TBC1D21: variants seen among roughly 807,000 people sequenced by gnomAD.
The protein encoded by TBC1D21 is male germ cell Rab GTPase-activating protein.
In TBC1D21, 38 loss-of-function variants were observed where a neutral mutation model predicts 46.0. The ratio of observed to expected loss-of-function variants is 0.83; its 90% CI spans 0.64 to 1.08. The LOEUF is 1.08. Among genes scored for constraint, TBC1D21 ranks in the 50% least tolerant of loss-of-function variants. The probability of loss-of-function intolerance (pLI) is 0.00; values close to 1 mark genes in which losing one functional copy is unlikely to be tolerated. For synonymous variants in TBC1D21, 151 were observed against 157.2 expected (o/e 0.96, Z 0.29); for missense variants, 415 against 417.9 (o/e 0.99, Z 0.06).
At chr15:73,890,668 A>C (rs1036337934), downstream of TBC1D21, among the ~76,000 whole-genome samples, 9 of 152,182 alleles carry the variant, frequency 5.9e-5, no homozygotes, top group Non-Finnish European at 1.3e-4. Flanking sequence ...TGGTGACTTC[A>C]GATGGCCGAT....
the TBC1D21 span, among the ~76,000 whole-genome samples, chr15:73,909,182 G>C: frequency 6.6e-6 from 1 of 152,178 alleles, no homozygotes; most frequent in Non-Finnish European, 1.5e-5. Flanking sequence ...GACCAGCGTG[G>C]ACAACATGGT....
chr15:73,879,672 C>T (rs4445847), intron 1 of TBC1D21, among the ~76,000 whole-genome samples: 73,164 of 151,986 alleles, frequency 0.48, 18,246 homozygotes, highest in Middle Eastern at 0.63. Flanking sequence ...GTGATTTGTA[C>T]GCCAATTTAA....
intron 1 of TBC1D21, among the ~76,000 whole-genome samples, chr15:73,874,726 AC>A (rs5813726): frequency 0.94 from 142,626 of 152,266 alleles, 67,522 homozygotes; most frequent in East Asian, 1. Context: ...GATCTTCTGA[AC>A]CAATAAACTG....
In TBC1D21 at chr15:73,876,593, G is replaced by A. The variant is rs78119320; in HGVS notation, c.60+2824G>A. On this transcript the variant is annotated intron_variant, in intron 1 of 10. Transcript: ENST00000300504. ...TTCAACCACGGCAAAGTAGGCAGAT[G>A]GCCAATTGTTACAGGTAGAGGTTTA... is the stretch of plus-strand genomic sequence containing the variant. 1.1e-4 allele frequency among the ~76,000 whole-genome samples: 16 copies of A among 152,106 alleles called. No homozygotes were observed. The East Asian group carries it at 3.1e-3, about 29-fold the overall frequency.
chr15:73,885,358 C>T (rs994563575), intron 6 of TBC1D21, among the ~76,000 whole-genome samples: 1 of 152,184 alleles, frequency 6.6e-6, no homozygotes, highest in Non-Finnish European at 1.5e-5. Flanking sequence ...GCATGGCTGG[C>T]CAGGCCCAGG....
chr15:73,907,398 G>C, the TBC1D21 span, among the ~76,000 whole-genome samples: 2 of 152,216 alleles, frequency 1.3e-5, no homozygotes, highest in Non-Finnish European at 2.9e-5. Context: ...GGCAGCTTTA[G>C]AAAGTGTGAA....
chr15:73,877,514 TAAAAAAAAAAAAAAAAAAAAA>T (rs541803630), intron 1 of TBC1D21, among the ~76,000 whole-genome samples: 4 of 72,696 alleles, frequency 5.5e-5, no homozygotes, highest in African/African-American at 1.9e-4. Flanking sequence ...TCCAGAAAAC[TAAAAAAAAAAAAAAAAAAAAA>T]AAAAAAAAAA....
chr15:73,884,800 C>A lies in TBC1D21; in HGVS notation c.387C>A (p.Ile129=), dbSNP rs369068081. ...ACCTAGCACGTGACATTCAGAAAAT[C>A]TATGACAAAGATCCCCTGGGCAACG... ...RNNIARDIQK[I]YDKDPLGNVL... is the part of the protein sequence containing the mutation. The change falls in exon 5 of 11, where the codon ATC becomes ATA. Residue 129 remains isoleucine, a synonymous_variant. Transcript: ENST00000300504. The A allele has an allele frequency of 9.3e-6, 15 of 1,614,070 alleles. No individual in the cohort carries two copies. In the African/African-American group the frequency reaches 1.1e-4, roughly 11 times the overall value.
chr15:73,889,011 C>T, intron 10 of TBC1D21, 58 bp from the exon 11 acceptor site: 1 of 1,601,620 alleles, frequency 6.2e-7, no homozygotes, highest in Non-Finnish European at 8.5e-7. Context: ...CTTAGAAGAA[C>T]CGAAGAATGA....
intron 1 of TBC1D21, among the ~76,000 whole-genome samples, chr15:73,876,228 T>G (rs1438460613): frequency 0.081 from 8,485 of 105,142 alleles, 1,418 homozygotes; most frequent in African/African-American, 0.26. Context: ...TTTTTTTTTT[T>G]TTTTTTTTTT....
Position 73,886,161 on chromosome 15 carries a change from T to C in TBC1D21, c.663T>C (p.Phe221=). 6.2e-7 allele frequency: 1 copy of C among 1,614,224 alleles called. No individual in the cohort carries two copies. Among genetic ancestry groups the C allele is most frequent in the South Asian group, 1.1e-5 (1 of 91,084 alleles). The change falls in exon 7 of 11, where the codon TTT becomes TTC. Residue 221 remains phenylalanine (F), a synonymous_variant. Coordinates refer to ENST00000300504, the MANE Select transcript of TBC1D21 (RefSeq NM_153356.3). The part of the protein sequence containing the change: ...STLITFLDPV[F]AEHLKGKGAG... ...TGATCACCTTCCTGGACCCCGTGTTTGCTGAGCACCTAAGTGAGTGGTTCC... is the reference window on the plus strand; with the variant it reads ...TGATCACCTTCCTGGACCCCGTGTTCGCTGAGCACCTAAGTGAGTGGTTCC...
the TBC1D21 span, among the ~76,000 whole-genome samples, chr15:73,894,689 G>A: frequency 1.3e-5 from 2 of 152,242 alleles, no homozygotes; most frequent in East Asian, 1.9e-4. Flanking sequence ...CGCAGCTCTG[G>A]GAGACAGGGT....
At chr15:73,885,564 G>A (rs1474438802) in intron 6 of TBC1D21, among the ~76,000 whole-genome samples, 2 of 152,016 alleles carry the variant, frequency 1.3e-5, no homozygotes, top group African/African-American at 4.8e-5. Flanking sequence ...CTCCCTCACT[G>A]TCCAAGTTGA....
the TBC1D21 span, among the ~76,000 whole-genome samples, chr15:73,903,238 G>A: frequency 9.2e-5 from 14 of 152,154 alleles, no homozygotes; most frequent in Admixed American, 2.6e-4. Context: ...TCCTGTCCTG[G>A]CACCCATGCC....
At chr15:73,893,635 C>T (rs2068353880), downstream of TBC1D21, among the ~76,000 whole-genome samples, 1 of 152,218 alleles carries the variant, frequency 6.6e-6, no homozygotes, top group Non-Finnish European at 1.5e-5. Context: ...GGATAAAACT[C>T]CAAGTTCTCT....
At chr15:73,885,815 TACACACAC>T (rs3057447) in intron 6 of TBC1D21, among the ~76,000 whole-genome samples, 11 of 148,146 alleles carry the variant, frequency 7.4e-5, no homozygotes, top group Admixed American at 5.4e-4. Context: ...TACACACACA[TACACACAC>T]ACACACACAC....
At chr15:73,875,224 G>A (rs1378055248) in intron 1 of TBC1D21, among the ~76,000 whole-genome samples, 1 of 148,000 alleles carries the variant, frequency 6.8e-6, no homozygotes, top group East Asian at 2.0e-4. Context: ...ACTCCAGCCT[G>A]GGCGACAGAG....
chr15:73,899,447 G>C, the TBC1D21 span, among the ~76,000 whole-genome samples: 1 of 152,170 alleles, frequency 6.6e-6, no homozygotes, highest in Non-Finnish European at 1.5e-5. Context: ...CTTGCCCTGG[G>C]CCATGCTCCC....
the TBC1D21 span, among the ~76,000 whole-genome samples, chr15:73,895,128 T>C: frequency 2.6e-5 from 4 of 152,336 alleles, no homozygotes; most frequent in African/African-American, 9.6e-5. Context: ...GCCAGGGCAC[T>C]GGTCTTTTTC....
Sources: gnomAD v4.1 joint callset for allele counts (sites outside exome capture counted in the v4.1 genomes callset) on GRCh38, gnomAD v4.1.1 for gene constraint, MANE v1.5 for transcripts, NCBI Gene and HGNC (gene_info 2026-07-23, HGNC 2026-07-21) for gene names.